NCOA6: variants seen among roughly 807,000 people sequenced by gnomAD.
NCOA6 encodes nuclear receptor coactivator 6, also known as NRC RAP250.
A neutral mutation model predicts 171.4 loss-of-function variants in NCOA6; 49 were observed. The observed-to-expected ratio is 0.29, with a 90% confidence interval of 0.23 to 0.36. NCOA6 has a LOEUF of 0.36. NCOA6 is among the 10% of genes least tolerant of loss of function. NCOA6 has a pLI of 1.00. For missense variants in NCOA6, 2,248 were observed against 2,554.5 expected (o/e 0.88, Z 2.59); for synonymous variants, 910 against 927.5 (o/e 0.98, Z 0.34).
rs1415449485 is a variant in NCOA6, at chr20:34,740,655, T to C, written c.5601A>G (p.Thr1867=). The change falls in exon 11 of 15, where the codon ACA becomes ACG. Residue 1867 remains threonine, a synonymous_variant. Transcript: ENST00000359003. Reference sequence around the variant, plus strand: ...TGTCCAGCTCTGTGGATAACTGCTCTGTTCCCATGAGCCCCGGAGCTGTGG... The same window carrying C: ...TGTCCAGCTCTGTGGATAACTGCTCCGTTCCCATGAGCCCCGGAGCTGTGG... ...LDTTAPGLMG[T]EQLSTELDSK... The C allele has an allele frequency of 2.5e-6, 4 of 1,614,232 alleles. No individual in the cohort carries two copies. Among genetic ancestry groups the C allele is most frequent in the Admixed American group, 3.3e-5 (2 of 60,024 alleles).
chr20:34,742,994 C>A lies in NCOA6; in HGVS notation c.3262G>T (p.Val1088Leu), dbSNP rs745983109. Residue 1088 changes from valine (V) to leucine (L), a missense_variant, in exon 11 of 15, where the codon GTG becomes TTG. Physicochemically the swap from Val to Leu is conservative, Grantham distance 32. Transcript: ENST00000359003. ...VMVSLQGPAS[V>L]PPSPDKQRMP... ...CTTTGTTTATCAGGTGATGGTGGCA[C>A]GGAGGCAGGTCCTTGCAGACTGACC... is the stretch of plus-strand genomic sequence containing the variant. 3 of 1,613,436 alleles carry A rather than the reference C, an allele frequency of 1.9e-6. No individual in the cohort carries two copies. Among genetic ancestry groups the A allele is most frequent in the South Asian group, 2.2e-5 (2 of 90,992 alleles).
In NCOA6 at chr20:34,750,535, A is replaced by AT; in HGVS notation, c.1676-17_1676-16insA. ...CCTTGACCACCTTAAAAAAAAAAAA[A>AT]GTCACAGTTTCAGAAATAAATATTT... On this transcript the variant is annotated splice_polypyrimidine_tract_variant and intron_variant, in intron 8 of 14. Coordinates refer to ENST00000359003, the MANE Select transcript of NCOA6 (RefSeq NM_014071.5). 2 of 1,544,720 alleles carry AT rather than the reference A, an allele frequency of 1.3e-6. No individual in the cohort carries two copies. Among genetic ancestry groups the AT allele is most frequent in the Non-Finnish European group, 1.7e-6 (2 of 1,148,884 alleles).
chr20:34,812,243 C>A (rs1485888916), intron 1 of NCOA6, among the ~76,000 whole-genome samples: 9 of 150,280 alleles, frequency 6.0e-5, no homozygotes, highest in African/African-American at 2.2e-4. Context: ...CAGATGGAGA[C>A]TCTGTCTTAA....
intron 1 of NCOA6, among the ~76,000 whole-genome samples, chr20:34,808,528 TC>T (rs1305422344): frequency 2.0e-5 from 3 of 148,974 alleles, no homozygotes; most frequent in Non-Finnish European, 4.4e-5. Context: ...AACCTCTGCC[TC>T]CCGGATTCAA....
Position 34,743,325 on chromosome 20 carries a change from T to C in NCOA6, c.2931A>G (p.Pro977=), listed in dbSNP as rs1471505743. The C allele has an allele frequency of 2.5e-6, 4 of 1,605,238 alleles. No individual in the cohort carries two copies. The highest frequency in any genetic ancestry group is 1.7e-6 in the Non-Finnish European group (2 of 1,173,702). ...TCTGCTGAAGTGGCCTCTGTTCAACTGGTTGAGAAGGATAACCTAAAACAA... is the reference window on the plus strand; with the variant it reads ...TCTGCTGAAGTGGCCTCTGTTCAACCGGTTGAGAAGGATAACCTAAAACAA... ...SNRPPGYPSQ[P]VEQRPLQQMP... is the part of the protein sequence containing the mutation. The change falls in exon 11 of 15, where the codon CCA becomes CCG. Residue 977 remains proline, a synonymous_variant. Transcript: ENST00000359003.
In NCOA6 at chr20:34,743,247, C is replaced by T. The variant is rs745429511; in HGVS notation, c.3009G>A (p.Gln1003=). The T allele has an allele frequency of 3.1e-6, 5 of 1,613,994 alleles. No homozygotes were observed. The Admixed American group carries it at 8.3e-5, about 27-fold the overall frequency. The change falls in exon 11 of 15, where the codon CAG becomes CAA. Residue 1003 remains glutamine, a synonymous_variant. Transcript: ENST00000359003. ...HVAPPPQPPQ[Q]QPQPQLPQQQ... is the part of the protein sequence containing the mutation. ...GCTGAGGCAGTTGTGGCTGTGGCTG[C>T]TGCTGTGGTGGCTGTGGTGGGGGTG...
At chr20:34,804,678 T>G (rs2078383985) in intron 1 of NCOA6, among the ~76,000 whole-genome samples, 1 of 151,998 alleles carries the variant, frequency 6.6e-6, no homozygotes, top group Admixed American at 6.6e-5. Context: ...ATAAAACATG[T>G]TACTTCCGCT....
At chr20:34,779,404 C>T (rs2077451012) in intron 3 of NCOA6, among the ~76,000 whole-genome samples, 1 of 152,120 alleles carries the variant, frequency 6.6e-6, no homozygotes, top group Admixed American at 6.5e-5. Context: ...GTCCCAGCTA[C>T]TTGGGAAGCT....
chr20:34,755,532 G>GTT (rs1449174638), intron 7 of NCOA6, among the ~76,000 whole-genome samples: 1 of 152,092 alleles, frequency 6.6e-6, no homozygotes, highest in African/African-American at 2.4e-5. Context: ...TACTCTAATG[G>GTT]AATCTTTCTC....
intron 1 of NCOA6, among the ~76,000 whole-genome samples, chr20:34,808,135 C>T (rs1206710951): frequency 6.6e-6 from 1 of 150,624 alleles, no homozygotes; most frequent in African/African-American, 2.4e-5. Context: ...GGTAACAGAG[C>T]GAGATTCCGT....
In NCOA6 at chr20:34,742,972, T is replaced by A; in HGVS notation, c.3284A>T (p.Gln1095Leu). Residue 1095 changes from glutamine to leucine, a missense_variant, in exon 11 of 15, where the codon CAA (glutamine) becomes CTA (leucine). Coordinates refer to ENST00000359003, the MANE Select transcript of NCOA6 (RefSeq NM_014071.5). ...AGTATTCACAGGCATTGGCATTCTT[T>A]GTTTATCAGGTGATGGTGGCACGGA... is the stretch of plus-strand genomic sequence containing the variant. ...PASVPPSPDK[Q>L]RMPMPVNTPL... 1 of 1,613,854 alleles carries A rather than the reference T, an allele frequency of 6.2e-7. No individual in the cohort carries two copies. Among genetic ancestry groups the A allele is most frequent in the Non-Finnish European group, 8.5e-7 (1 of 1,179,762 alleles).
At chr20:34,769,109 A>T (rs920390840) in intron 4 of NCOA6, among the ~76,000 whole-genome samples, 1 of 152,218 alleles carries the variant, frequency 6.6e-6, no homozygotes, top group African/African-American at 2.4e-5. Flanking sequence ...TATTTCCAGC[A>T]GGAAAAAAAT....
intron 13 of NCOA6, among the ~76,000 whole-genome samples, chr20:34,728,970 AGATGG>A (rs1187170691): frequency 5.3e-5 from 8 of 152,180 alleles, no homozygotes; most frequent in African/African-American, 1.9e-4. Flanking sequence ...TTTGTTTTTG[AGATGG>A]AGTCTTGCTC....
At chr20:34,806,349 C>G (rs1024272328) in intron 1 of NCOA6, among the ~76,000 whole-genome samples, 3 of 152,150 alleles carry the variant, frequency 2.0e-5, no homozygotes, top group Admixed American at 2.0e-4. Flanking sequence ...ATATTTTCTC[C>G]CATTCTGCAG....
chr20:34,725,047 C>T (rs1989797042), intron 14 of NCOA6, among the ~76,000 whole-genome samples: 2 of 152,154 alleles, frequency 1.3e-5, no homozygotes, highest in South Asian at 4.1e-4. Flanking sequence ...CCTCGGCCTC[C>T]CAAAGTGCTG....
At chr20:34,820,917 C>T (rs988262874) in intron 1 of NCOA6, 1 of 151,946 alleles carries the variant, frequency 6.6e-6, no homozygotes, top group Non-Finnish European at 1.5e-5. Context: ...AAAACAAGCC[C>T]GAGCATTATC....
chr20:34,812,178 GGGA>G (rs1273512931), intron 1 of NCOA6, among the ~76,000 whole-genome samples: 1 of 151,944 alleles, frequency 6.6e-6, no homozygotes, highest in African/African-American at 2.4e-5. Flanking sequence ...TCTTGAACCA[GGGA>G]GGAAGAGGTT....
chr20:34,817,712 A>AG (rs1309264249), intron 1 of NCOA6, among the ~76,000 whole-genome samples: 1 of 152,154 alleles, frequency 6.6e-6, no homozygotes, highest in Non-Finnish European at 1.5e-5. Context: ...AGCTGAAGGG[A>AG]GGGAAGGGGG....
intron 1 of NCOA6, among the ~76,000 whole-genome samples, chr20:34,797,564 G>A (rs1452930412): frequency 6.6e-6 from 1 of 151,898 alleles, no homozygotes; most frequent in African/African-American, 2.4e-5. Context: ...GTGGCTACAG[G>A]GAGAGACTCC....
Sources: allele counts gnomAD v4.1 joint callset (sites outside exome capture counted in the v4.1 genomes callset), GRCh38; gene constraint gnomAD v4.1.1; transcripts MANE v1.5; gene names NCBI Gene and HGNC (gene_info 2026-07-23, HGNC 2026-07-21).